Variants in TMEM71 observed in about 807,000 individuals in gnomAD.
The protein encoded by TMEM71 is transmembrane protein 71.
In TMEM71, 44 loss-of-function variants were observed where a neutral mutation model predicts 38.0. That is an observed-to-expected ratio of 1.16 (90% confidence interval 0.91 to 1.49). TMEM71 has a LOEUF of 1.49. Ranked by LOEUF, TMEM71 falls within the 40% of genes most tolerant of loss-of-function variation. TMEM71 has a pLI of 0.00. For synonymous variants in TMEM71, 133 were observed against 122.5 expected, an observed-to-expected ratio of 1.09 and a Z score of -0.56; for missense variants, 367 against 348.6, an observed-to-expected ratio of 1.05 and a Z score of -0.42.
chr8:132,746,855 TG>T, intron 5 of TMEM71, 86 bp downstream of exon 5: 1 of 1,111,032 alleles, frequency 9.0e-7, no homozygotes, highest in Non-Finnish European at 1.2e-6. Context: ...CTGTCATCCC[TG>T]GAACTGACAT....
intron 6 of TMEM71, among the ~76,000 whole-genome samples, chr8:132,723,736 T>C (rs1826977220): frequency 6.6e-6 from 1 of 152,208 alleles, no homozygotes; most frequent in Non-Finnish European, 1.5e-5. Context: ...TCTCCCCCTC[T>C]CTTGGTACAC....
chr8:132,771,766 T>C, the TMEM71 span, among the ~76,000 whole-genome samples: 1 of 152,018 alleles, frequency 6.6e-6, no homozygotes, highest in Non-Finnish European at 1.5e-5. Flanking sequence ...AGGAATACAT[T>C]AGAGAGGTGA....
chr8:132,745,642 C>A (rs182196630), intron 5 of TMEM71, among the ~76,000 whole-genome samples: 3 of 152,046 alleles, frequency 2.0e-5, no homozygotes, highest in Non-Finnish European at 2.9e-5. Flanking sequence ...CTTAGAACCA[C>A]GATTTCATCC....
chr8:132,706,477 T>C (rs1300960518), downstream of TMEM71, among the ~76,000 whole-genome samples: 1 of 152,150 alleles, frequency 6.6e-6, no homozygotes, highest in Non-Finnish European at 1.5e-5. Context: ...TATCTATATA[T>C]CTCCCATACT....
intron 7 of TMEM71, among the ~76,000 whole-genome samples, chr8:132,717,862 T>C (rs761358824): frequency 2.6e-5 from 4 of 152,218 alleles, no homozygotes; most frequent in Non-Finnish European, 5.9e-5. Context: ...AACTGACGAA[T>C]GGATAAACAA....
intron 3 of TMEM71, among the ~76,000 whole-genome samples, chr8:132,755,640 CAGA>C (rs1432601558): frequency 6.6e-6 from 1 of 152,188 alleles, no homozygotes; most frequent in African/African-American, 2.4e-5. Context: ...TGATAGATTA[CAGA>C]AGGTCTCTCA....
intron 6 of TMEM71, among the ~76,000 whole-genome samples, chr8:132,726,692 A>T (rs1382512641): frequency 6.6e-6 from 1 of 152,204 alleles, no homozygotes; most frequent in East Asian, 1.9e-4. Context: ...AACATGCTTA[A>T]TCTGACATTA....
At chr8:132,727,690 A>G in intron 6 of TMEM71, 108 bp downstream of exon 6, 5 of 951,950 alleles carry the variant, frequency 5.3e-6, no homozygotes, top group Non-Finnish European at 6.3e-6. Flanking sequence ...TTCCTCGCAC[A>G]GGTTGGTACC....
At chr8:132,751,662 A>G (rs1828715720) in intron 4 of TMEM71, 123 bp downstream of exon 4, 13 of 916,354 alleles carry the variant, frequency 1.4e-5, no homozygotes, top group Non-Finnish European at 2.2e-5. Flanking sequence ...TACCCTTTGT[A>G]TTTCCACAGT....
chr8:132,775,359 C>G, the TMEM71 span: 4,881 of 358,336 alleles, frequency 0.014, 58 homozygotes, highest in Middle Eastern at 0.018. Flanking sequence ...TCGCGGGCGG[C>G]TGACGTCGCC....
At chr8:132,772,752 C>G in the TMEM71 span, among the ~76,000 whole-genome samples, 4 of 152,016 alleles carry the variant, frequency 2.6e-5, no homozygotes, top group African/African-American at 9.7e-5. Flanking sequence ...ATATATATTT[C>G]AATACTTAAC....
intron 4 of TMEM71, among the ~76,000 whole-genome samples, chr8:132,747,590 C>T (rs145099566): frequency 2.0e-3 from 306 of 152,324 alleles, no homozygotes; most frequent in African/African-American, 6.0e-3. Flanking sequence ...TCTGCCTCCA[C>T]GGTCTTTGCT....
rs781407751 is a variant in TMEM71 at position 132,751,796 on chromosome 8, C to A, written c.303G>T (p.Glu101Asp). ...TATGCTCTGCTTACCTAACTAAGTTCTCCTTATACATAACGCTGGTCTGGG... is the reference window on the plus strand; with the variant it reads ...TATGCTCTGCTTACCTAACTAAGTTATCCTTATACATAACGCTGGTCTGGG... The part of the protein sequence containing the change: ...NPSQTSVMYK[E>D]NLVRIFRKKK... The change falls in exon 4 of 10, where the codon GAG (glutamate) becomes GAT (aspartate). Residue 101 changes from glutamate to aspartate, a missense_variant. Physicochemically the swap from Glu to Asp is conservative, Grantham distance 45. Coordinates refer to ENST00000677595, the MANE Select transcript of TMEM71 (RefSeq NM_001382403.1). 5 of 1,613,402 alleles carry A rather than the reference C, an allele frequency of 3.1e-6. No individual in the cohort carries two copies. Among genetic ancestry groups the A allele is most frequent in the Admixed American group, 3.3e-5 (2 of 60,030 alleles).
In TMEM71 at chr8:132,714,160, C is replaced by T; in HGVS notation, c.808G>A (p.Val270Ile). 2 of 1,612,856 alleles carry T rather than the reference C, an allele frequency of 1.2e-6. No individual in the cohort carries two copies. Among genetic ancestry groups the T allele is most frequent in the Non-Finnish European group, 1.7e-6 (2 of 1,179,244 alleles). The change falls in exon 8 of 10, where the codon GTA becomes ATA. Residue 270 changes from valine (V) to isoleucine (I), a missense_variant. Physicochemically the swap from Val to Ile is conservative, Grantham distance 29 (BLOSUM62 3). Coordinates refer to ENST00000677595, the MANE Select transcript of TMEM71 (RefSeq NM_001382403.1). Reference protein sequence around the residue: ...SVFTCSLMITVAYVKSLFLSL... With the variant: ...SVFTCSLMITIAYVKSLFLSL... ...CTGGGAAACAGTTACTTACAAGCTA[C>T]AGTTATCATCAATGAGCATGTGAAG...
chr8:132,746,428 CAT>C (rs1210510356), intron 5 of TMEM71, among the ~76,000 whole-genome samples: 72 of 16,868 alleles, frequency 4.3e-3, no homozygotes, highest in African/African-American at 6.2e-3. Context: ...CATATATATA[CAT>C]ATATATATAC....
At chr8:132,721,491 A>G (rs1428798438) in intron 7 of TMEM71, among the ~76,000 whole-genome samples, 4 of 152,064 alleles carry the variant, frequency 2.6e-5, no homozygotes, top group African/African-American at 9.7e-5. Flanking sequence ...ATACAATTTT[A>G]AGCAACGTAC....
chr8:132,766,416 A>C, the TMEM71 span, among the ~76,000 whole-genome samples: 2 of 146,656 alleles, frequency 1.4e-5, no homozygotes, highest in African/African-American at 2.5e-5. Flanking sequence ...GGCGGGGGGG[A>C]AAGGAAGAAC....
intron 5 of TMEM71, among the ~76,000 whole-genome samples, chr8:132,746,259 GTATTAA>G (rs1299885690): frequency 6.7e-6 from 1 of 149,622 alleles, no homozygotes; most frequent in Non-Finnish European, 1.5e-5. Context: ...ATATTTACCT[GTATTAA>G]TATTAATGTT....
chr8:132,740,633 G>A (rs1309887249), intron 5 of TMEM71, among the ~76,000 whole-genome samples: 3 of 152,174 alleles, frequency 2.0e-5, no homozygotes, highest in Non-Finnish European at 4.4e-5. Context: ...CAGATGTGTG[G>A]AAGAGCAGGA....
Sources: gnomAD v4.1 joint callset for allele counts (sites outside exome capture counted in the v4.1 genomes callset) on GRCh38, gnomAD v4.1.1 for gene constraint, MANE v1.5 for transcripts, NCBI Gene and HGNC (gene_info 2026-07-23, HGNC 2026-07-21) for gene names.